IKZF1: variants seen among roughly 807,000 people sequenced by gnomAD.
The protein encoded by IKZF1 is IKAROS family zinc finger 1, also known as DNA-binding protein Ikaros.
In IKZF1, 10 loss-of-function variants were observed where a neutral mutation model predicts 51.7. That is an observed-to-expected ratio of 0.19 (90% confidence interval 0.12 to 0.33). The LOEUF is 0.33. Among genes scored for constraint, IKZF1 ranks in the 10% least tolerant of loss-of-function variants. The pLI is 1.00. For missense variants in IKZF1, 484 were observed against 707.5 expected, an observed-to-expected ratio of 0.68 and a Z score of 3.58; for synonymous variants, 280 against 282.3, an observed-to-expected ratio of 0.99 and a Z score of 0.08.
At position 50,403,519 on chromosome 7, in the gene IKZF1, GAC is replaced by G. The variant is rs1467835882; in HGVS notation, c.*2895_*2896del. 2 of 229,398 alleles carry G rather than the reference GAC, an allele frequency of 8.7e-6. No individual in the cohort carries two copies. Among genetic ancestry groups the G allele is most frequent in the African/African-American group, 4.4e-5 (2 of 45,088 alleles). The allele number at this position is 229,398 out of a possible 1,614,324, so 14.2% of individuals were successfully genotyped here. A position where few individuals can be genotyped will look rare whatever the true frequency, so the allele number is the denominator to read the frequency against. On this transcript the variant is annotated 3_prime_UTR_variant, in exon 8 of 8. Transcript: ENST00000331340. ...CTGTGTCTTGTTCCGCCCCCTCCCT[GAC>G]ACCCCAGCTTCCCAGGATGTGGAAA...
At chr7:50,347,911 T>C (rs928230450) in intron 3 of IKZF1, among the ~76,000 whole-genome samples, 1 of 152,192 alleles carries the variant, frequency 6.6e-6, no homozygotes, top group Non-Finnish European at 1.5e-5. Context: ...CCCTCGTGTT[T>C]GCATTGAACC....
chr7:50,400,105 G>A lies in IKZF1; in HGVS notation c.1038G>A (p.Pro346=), dbSNP rs1817746208. 3.2e-6 allele frequency: 5 copies of A among 1,563,256 alleles called. No individual in the cohort carries two copies. In the African/African-American group the frequency reaches 5.4e-5, roughly 17 times the overall value. Residue 346 remains proline, a synonymous_variant, in exon 8 of 8, where the codon CCG becomes CCA. Coordinates refer to ENST00000331340, the MANE Select transcript of IKZF1 (RefSeq NM_006060.6). This position sits in a 1 kb window ranked among gnomAD's most constrained non-coding sequence, Gnocchi z 5.4. ...GGSEVVPVIS[P]MYQLHKPLAE... is the part of the protein sequence containing the mutation. ...CCGAGGTGGTCCCGGTCATCAGCCCGATGTACCAGCTGCACAAGCCGCTCG... is the reference window on the plus strand; with the variant it reads ...CCGAGGTGGTCCCGGTCATCAGCCCAATGTACCAGCTGCACAAGCCGCTCG...
intron 1 of IKZF1, among the ~76,000 whole-genome samples, chr7:50,312,743 A>G (rs1317110728): frequency 6.6e-6 from 1 of 152,244 alleles, no homozygotes; most frequent in Non-Finnish European, 1.5e-5. Flanking sequence ...CATAAAAATA[A>G]AAAATGCTAG....
chr7:50,372,676 A>G (rs1809064939), intron 3 of IKZF1, among the ~76,000 whole-genome samples: 2 of 152,286 alleles, frequency 1.3e-5, no homozygotes, highest in South Asian at 2.1e-4. Context: ...TCCTGAGCTG[A>G]TCATCCCTAC....
chr7:50,347,036 T>C (rs1257405022), intron 3 of IKZF1, among the ~76,000 whole-genome samples: 1 of 152,202 alleles, frequency 6.6e-6, no homozygotes, highest in Admixed American at 6.5e-5. Flanking sequence ...GCATCTTGTA[T>C]TTGTGCCTTT....
At chr7:50,306,897 CTA>C (rs1259999571) in intron 1 of IKZF1, among the ~76,000 whole-genome samples, 1 of 152,116 alleles carries the variant, frequency 6.6e-6, no homozygotes, top group African/African-American at 2.4e-5. Flanking sequence ...AAAGAACTCT[CTA>C]TATATTAATG....
At chr7:50,305,232 C>G (rs1366059762) in intron 1 of IKZF1, among the ~76,000 whole-genome samples, 1 of 152,138 alleles carries the variant, frequency 6.6e-6, no homozygotes, top group East Asian at 1.9e-4. Context: ...CGGAAGTCAG[C>G]CTTTATAAAG....
At chr7:50,350,834 G>A (rs1490775798) in intron 3 of IKZF1, among the ~76,000 whole-genome samples, 3 of 152,174 alleles carry the variant, frequency 2.0e-5, no homozygotes, top group African/African-American at 2.4e-5. Flanking sequence ...CTCTGGTAGC[G>A]CTTTATCCCT....
chr7:50,322,872 T>C (rs1793786719), intron 2 of IKZF1, among the ~76,000 whole-genome samples: 2 of 152,160 alleles, frequency 1.3e-5, no homozygotes, highest in African/African-American at 4.8e-5. Context: ...CCAGTTGATC[T>C]CTAAGGTTCC....
At chr7:50,355,341 C>T (rs1457861109) in intron 3 of IKZF1, among the ~76,000 whole-genome samples, 1 of 152,202 alleles carries the variant, frequency 6.6e-6, no homozygotes, top group Non-Finnish European at 1.5e-5. Context: ...TCATCATTAT[C>T]AGTGAGCTAT....
intron 7 of IKZF1, 93 bp from the exon 8 acceptor site, chr7:50,399,825 C>A (rs1257825932): frequency 3.3e-6 from 5 of 1,499,364 alleles, no homozygotes; most frequent in African/African-American, 1.4e-5. Context: ...TGTTCCCCTT[C>A]CCCTCCCCGG....
intron 3 of IKZF1, among the ~76,000 whole-genome samples, chr7:50,358,108 G>A (rs113466908): frequency 3.9e-4 from 60 of 152,300 alleles, no homozygotes; most frequent in Middle Eastern, 3.4e-3. Context: ...TTAGTTGTTC[G>A]ATTTGTAAAT....
chr7:50,364,915 G>C (rs114866292), intron 3 of IKZF1, among the ~76,000 whole-genome samples: 272 of 152,334 alleles, frequency 1.8e-3, no homozygotes, highest in African/African-American at 6.2e-3. Context: ...AGTCGCACTT[G>C]ACCAGTCATT....
chr7:50,355,012 G>A (rs760601864), intron 3 of IKZF1, among the ~76,000 whole-genome samples: 23 of 152,262 alleles, frequency 1.5e-4, no homozygotes, highest in Middle Eastern at 3.4e-3. Context: ...CCCATAGGAA[G>A]CTTCTGAGGC....
chr7:50,350,773 T>C (rs149579166), intron 3 of IKZF1, among the ~76,000 whole-genome samples: 58 of 152,296 alleles, frequency 3.8e-4, no homozygotes, highest in African/African-American at 1.3e-3. Flanking sequence ...TGGTATGATT[T>C]GTACAACTGC....
intron 4 of IKZF1, among the ~76,000 whole-genome samples, 187 bp from the exon 5 acceptor site, chr7:50,382,353 A>C (rs1450212361): frequency 6.6e-6 from 1 of 152,232 alleles, no homozygotes; most frequent in Non-Finnish European, 1.5e-5. Flanking sequence ...TTAGATTTTC[A>C]GATCAAATTG....
chr7:50,369,124 A>G (rs1445287545), intron 3 of IKZF1: 1 of 234,898 alleles, frequency 4.3e-6, no homozygotes, highest in Non-Finnish European at 8.3e-6. Context: ...ATGTATATGT[A>G]TGTACTTGTA....
rs757893039 is a variant in IKZF1 at position 50,401,174 on chromosome 7, A to G, written c.*547A>G. 4.1e-6 allele frequency: 1 copy of G among 241,132 alleles called. No individual in the cohort carries two copies. Among genetic ancestry groups the G allele is most frequent in the Non-Finnish European group, 8.1e-6 (1 of 124,180 alleles). 14.9% of individuals were successfully genotyped at this position (241,132 alleles called of 1,614,324 possible). On this transcript the variant is annotated 3_prime_UTR_variant, in exon 8 of 8. Coordinates refer to ENST00000331340, the MANE Select transcript of IKZF1 (RefSeq NM_006060.6). ...CCTGTGCCCAGGCCAGCTTCGAGCT[A>G]CATGCATCTAGGGCGGAGAGGCTGC...
At chr7:50,304,948 A>G (rs11506039) in intron 1 of IKZF1, 26 bp downstream of exon 1, 9,568 of 152,768 alleles carry the variant, frequency 0.063, 680 homozygotes, top group South Asian at 0.22. Context: ...TTGAATTTCA[A>G]TAGGAAAACT....
Sources: allele counts gnomAD v4.1 joint callset (sites outside exome capture counted in the v4.1 genomes callset), GRCh38; gene constraint gnomAD v4.1.1; non-coding constraint Gnocchi (gnomAD v3.1); transcripts MANE v1.5; gene names NCBI Gene and HGNC (gene_info 2026-07-23, HGNC 2026-07-21).